The following SEC24A variants were observed in gnomAD, a reference collection of about 807,000 sequenced individuals.
SEC24A encodes the protein protein transport protein Sec24A.
In SEC24A, 93 loss-of-function variants were observed where a neutral mutation model predicts 129.4. That is an observed-to-expected ratio of 0.72 (90% CI 0.61 to 0.85). SEC24A has a LOEUF of 0.85. SEC24A is among the 40% of genes least tolerant of loss of function. SEC24A has a pLI of 0.00. For synonymous variants in SEC24A, 460 were observed against 467.3 expected (o/e 0.98, Z 0.20); for missense variants, 1,264 against 1,307.4 (o/e 0.97, Z 0.51).
chr5:134,723,896 G>A (rs565768989), intron 22 of SEC24A, among the ~76,000 whole-genome samples: 16 of 152,240 alleles, frequency 1.1e-4, no homozygotes, highest in African/African-American at 3.9e-4. Flanking sequence ...ATTGATACAT[G>A]TATACATTGT....
chr5:134,665,128 G>A (rs1208374411), intron 2 of SEC24A, among the ~76,000 whole-genome samples: 1 of 151,410 alleles, frequency 6.6e-6, no homozygotes, highest in African/African-American at 2.4e-5. Context: ...TGATACTGGA[G>A]TATTTAACAG....
intron 13 of SEC24A, among the ~76,000 whole-genome samples, chr5:134,695,389 T>A (rs139425107): frequency 6.6e-6 from 1 of 152,036 alleles, no homozygotes; most frequent in Non-Finnish European, 1.5e-5. Flanking sequence ...TGGTGGTTCA[T>A]GCCTGTAAGA....
chr5:134,661,926 A>G (rs1207916195), intron 2 of SEC24A, among the ~76,000 whole-genome samples: 1 of 147,016 alleles, frequency 6.8e-6, no homozygotes, highest in African/African-American at 2.5e-5. Flanking sequence ...GGTTCAAGCA[A>G]TTTTCCTGCC....
At position 134,688,190 on chromosome 5, in the gene SEC24A, C is replaced by A. The variant is rs568907064; in HGVS notation, c.1614C>A (p.Gly538=). 1.0e-5 allele frequency: 16 copies of A among 1,604,276 alleles called. No individual in the cohort carries two copies. In the South Asian group the frequency reaches 1.8e-4, roughly 18 times the overall value. ...CTGAATTTGTTTTTAGGCTTCCTGG[C>A]AACACTAGAACAAAAATTGGCTTCA... is the stretch of plus-strand genomic sequence containing the variant. The part of the protein sequence containing the change: ...SLLDNLDLLP[G]NTRTKIGFIT... The change falls in exon 11 of 23, where the codon GGC becomes GGA. Residue 538 remains glycine, a synonymous_variant. Coordinates refer to ENST00000398844, the MANE Select transcript of SEC24A (RefSeq NM_021982.3).
At chr5:134,702,643 A>G (rs1752037173) in intron 15 of SEC24A, among the ~76,000 whole-genome samples, 1 of 152,180 alleles carries the variant, frequency 6.6e-6, no homozygotes, top group South Asian at 2.1e-4. Context: ...TTATTCAATA[A>G]ACCTTGAAGA....
intron 15 of SEC24A, among the ~76,000 whole-genome samples, chr5:134,699,696 C>CTTTTTT (rs746836417): frequency 1.9e-4 from 21 of 112,718 alleles, no homozygotes; most frequent in African/African-American, 6.8e-4. Context: ...TTTGTACTCT[C>CTTTTTT]TTTTTTTTTT....
At chr5:134,694,750 C>T (rs1428929175) in intron 13 of SEC24A, among the ~76,000 whole-genome samples, 2 of 147,242 alleles carry the variant, frequency 1.4e-5, no homozygotes, top group Non-Finnish European at 3.0e-5. Context: ...ACCTGGGAGG[C>T]GGAGGTTGCA....
Position 134,725,131 on chromosome 5 carries a change from C to A in SEC24A, c.*37C>A. 9.9e-7 allele frequency: 1 copy of A among 1,010,684 alleles called. No homozygotes were observed. Among genetic ancestry groups the A allele is most frequent in the South Asian group, 1.3e-5 (1 of 75,354 alleles). 62.6% of individuals were successfully genotyped at this position (1,010,684 alleles called of 1,614,324 possible). Reference sequence around the variant, plus strand: ...AATTTGACTTATTTTTAAGGAATGTCACGATAGTGCAGAATACCTGGAAAT... The same window carrying A: ...AATTTGACTTATTTTTAAGGAATGTAACGATAGTGCAGAATACCTGGAAAT... On this transcript the variant is annotated 3_prime_UTR_variant, in exon 23 of 23. Transcript: ENST00000398844.
chr5:134,671,832 G>T lies in SEC24A; in HGVS notation c.763G>T (p.Gly255Ter). 1.9e-6 allele frequency: 3 copies of T among 1,603,364 alleles called. No individual in the cohort carries two copies. Among genetic ancestry groups the T allele is most frequent in the Non-Finnish European group, 2.6e-6 (3 of 1,175,254 alleles). Reference protein sequence around the residue: ...QEGITSNTNNGSMVVHSSYDE... With the variant: ...QEGITSNTNN Reference sequence around the variant, plus strand: ...AGGTATTACATCAAATACCAATAACGGATCTATGGTGGTCCACAGTAGTTA... The same window carrying T: ...AGGTATTACATCAAATACCAATAACTGATCTATGGTGGTCCACAGTAGTTA... The change falls in exon 4 of 23, where the codon GGA (glycine) becomes TGA (stop). Residue 255 changes from glycine (G) to a stop codon, truncating the protein, a stop_gained. Coordinates refer to ENST00000398844, the MANE Select transcript of SEC24A (RefSeq NM_021982.3). LOFTEE classifies it high-confidence loss of function.
chr5:134,715,355 C>T, intron 19 of SEC24A, 194 bp downstream of exon 19: 1 of 490,134 alleles, frequency 2.0e-6, no homozygotes, highest in East Asian at 3.7e-5. Context: ...TTTAAGTTTC[C>T]TAAAATACCA....
intron 16 of SEC24A, 65 bp downstream of exon 16, chr5:134,703,997 A>G: frequency 9.0e-7 from 1 of 1,116,848 alleles, no homozygotes. Flanking sequence ...AAATGTCAAA[A>G]TGGGCTATAA....
At position 134,725,691 on chromosome 5, in the gene SEC24A, G is replaced by C. The variant is rs777525052; in HGVS notation, c.*597G>C. ...GAAAAATATGAAGAAACACATTCAA[G>C]CTTTAAAATCTGTCAGTATTCTTTA... On this transcript the variant is annotated 3_prime_UTR_variant, in exon 23 of 23. Transcript: ENST00000398844. 6.6e-6 allele frequency: 1 copy of C among 152,274 alleles called. No individual in the cohort carries two copies. The highest frequency in any genetic ancestry group is 1.5e-5 in the Non-Finnish European group (1 of 67,928). 9.4% of individuals were successfully genotyped at this position (152,274 alleles called of 1,614,324 possible).
chr5:134,670,581 A>T (rs545972031), intron 3 of SEC24A, among the ~76,000 whole-genome samples: 10 of 152,322 alleles, frequency 6.6e-5, no homozygotes, highest in Admixed American at 1.3e-4. Flanking sequence ...TTGGGAGAAG[A>T]GATGTTAAGA....
chr5:134,661,793 AG>A (rs1422063277), intron 2 of SEC24A, among the ~76,000 whole-genome samples: 4 of 148,820 alleles, frequency 2.7e-5, no homozygotes, highest in African/African-American at 9.8e-5. Flanking sequence ...AACACTCATT[AG>A]TAGTTTTTTT....
chr5:134,708,971 T>C (rs1444900802), intron 18 of SEC24A, 83 bp downstream of exon 18: 5 of 1,330,814 alleles, frequency 3.8e-6, no homozygotes, highest in Non-Finnish European at 5.2e-6. Flanking sequence ...TTTGGGTGGC[T>C]GACGTGGGTG....
chr5:134,723,409 A>G (rs1336869185), intron 21 of SEC24A, among the ~76,000 whole-genome samples, 158 bp from the exon 22 acceptor site: 1 of 152,172 alleles, frequency 6.6e-6, no homozygotes, highest in African/African-American at 2.4e-5. Context: ...GACTGCAGTG[A>G]GCCATGATTA....
At position 134,666,818 on chromosome 5, in the gene SEC24A, C is replaced by A. The variant is rs1166582774; in HGVS notation, c.566-5C>A. 6.2e-7 allele frequency: 1 copy of A among 1,613,734 alleles called. No homozygotes were observed. Among genetic ancestry groups the A allele is most frequent in the Non-Finnish European group, 8.5e-7 (1 of 1,179,852 alleles). On this transcript the variant is annotated splice_region_variant and splice_polypyrimidine_tract_variant and intron_variant, in intron 2 of 22. Coordinates refer to ENST00000398844, the MANE Select transcript of SEC24A (RefSeq NM_021982.3). ...GTGACGTGTGAAAAACCAATGTTTC[C>A]ATAGGTCCTTCTGTACCTCCCTTAG...
chr5:134,683,610 C>T (rs1030662581), intron 9 of SEC24A, among the ~76,000 whole-genome samples: 5 of 151,504 alleles, frequency 3.3e-5, no homozygotes, highest in African/African-American at 1.2e-4. Flanking sequence ...ACTTCATGGG[C>T]TCAAGCAATT....
intron 1 of SEC24A, 60 bp downstream of exon 1, chr5:134,649,233 A>C (rs988489220): frequency 1.6e-6 from 2 of 1,259,090 alleles, no homozygotes; most frequent in Admixed American, 4.5e-5. Flanking sequence ...TTTGCGTGCC[A>C]CTGCTGCTTG....
Sources: gnomAD v4.1 joint callset for allele counts (sites outside exome capture counted in the v4.1 genomes callset) on GRCh38, gnomAD v4.1.1 for gene constraint, MANE v1.5 for transcripts, NCBI Gene and HGNC (gene_info 2026-07-23, HGNC 2026-07-21) for gene names.